Variants in ZNF844 observed in about 807,000 individuals in gnomAD.
The protein encoded by ZNF844 is zinc finger protein 844.
A neutral mutation model predicts 11.4 loss-of-function variants in ZNF844; 11 were observed. The observed-to-expected ratio is 0.97, with a 90% CI of 0.61 to 1.60. The LOEUF (loss-of-function observed/expected upper bound fraction) is 1.60. Ranked by LOEUF, ZNF844 falls within the 40% of genes most tolerant of loss-of-function variation. The pLI, the probability that ZNF844 is intolerant of heterozygous loss-of-function variation, is 0.00. For synonymous variants in ZNF844, 248 were observed against 260.3 expected, an observed-to-expected ratio of 0.95 and a Z score of 0.46; for missense variants, 790 against 796.8, an observed-to-expected ratio of 0.99 and a Z score of 0.10.
Position 12,076,612 on chromosome 19 carries a change from A to G in ZNF844, c.1492A>G (p.Thr498Ala). 1 of 1,612,758 alleles carries G rather than the reference A, an allele frequency of 6.2e-7. No individual in the cohort carries two copies. ...PLPFDIMKGLTLERNPMSVSN... is the reference protein window; with the variant it reads ...PLPFDIMKGLALERNPMSVSN... ...TCCTTTCGATATCATGAAAGGACTCACACTGGAGAGAAACCCTATGAGTGT... is the reference window on the plus strand; with the variant it reads ...TCCTTTCGATATCATGAAAGGACTCGCACTGGAGAGAAACCCTATGAGTGT... Residue 498 changes from threonine (T) to alanine (A), a missense_variant, in exon 4 of 4, where the codon ACA becomes GCA. This residue lies in a region of ZNF844 where 657 missense variants were observed against 636.2 expected (regional missense o/e 1.03). Coordinates refer to ENST00000439326, the MANE Select transcript of ZNF844 (RefSeq NM_001136501.3).
chr19:12,072,691 C>A (rs145475393), intron 1 of ZNF844, among the ~76,000 whole-genome samples: 4 of 152,102 alleles, frequency 2.6e-5, no homozygotes, highest in Non-Finnish European at 4.4e-5. Context: ...TCAAGCAATT[C>A]TCTGGCCCCA....
At chr19:12,069,179 C>CTTTTTTTT (rs748342323) in intron 1 of ZNF844, among the ~76,000 whole-genome samples, 1 of 120,866 alleles carries the variant, frequency 8.3e-6, no homozygotes, top group Non-Finnish European at 1.7e-5. Context: ...TCTTTTATTC[C>CTTTTTTTT]TTTTTTTTTT....
In ZNF844 at chr19:12,075,576, T is replaced by G. The variant is rs762380348; in HGVS notation, c.456T>G (p.Cys152Trp). Reference protein sequence around the residue: ...KCQQRKKAFRCHPSFQMQEKA... With the variant: ...KCQQRKKAFRWHPSFQMQEKA... ...AACAACGTAAGAAAGCCTTCAGATG[T>G]CACCCCTCCTTTCAAATGCAAGAAA... Residue 152 changes from cysteine (C) to tryptophan (W), a missense_variant, in exon 4 of 4, where the codon TGT becomes TGG. Around this residue, in one of 3 missense-constraint regions of ZNF844, gnomAD observed 657 missense variants for 636.2 expected, o/e 1.03. Transcript: ENST00000439326. The G allele has an allele frequency of 3.1e-6, 5 of 1,614,016 alleles. No homozygotes were observed. Among genetic ancestry groups the G allele is most frequent in the Non-Finnish European group, 4.2e-6 (5 of 1,179,992 alleles).
intron 1 of ZNF844, among the ~76,000 whole-genome samples, chr19:12,067,959 AGAAG>A (rs71166653): frequency 4.4e-5 from 3 of 68,100 alleles, no homozygotes; most frequent in East Asian, 3.2e-4. Flanking sequence ...AAAGAAGGAA[AGAAG>A]GAAGGAAGGA....
At chr19:12,073,031 G>A (rs1975768096) in intron 1 of ZNF844, among the ~76,000 whole-genome samples, 1 of 152,184 alleles carries the variant, frequency 6.6e-6, no homozygotes, top group Non-Finnish European at 1.5e-5. Flanking sequence ...CTCATAGACA[G>A]AACTTTTAAA....
intron 1 of ZNF844, chr19:12,070,048 A>T (rs1975737195): frequency 6.6e-6 from 1 of 150,450 alleles, no homozygotes. Flanking sequence ...GCTTGAGCCC[A>T]GGAGTTCGAG....
chr19:12,067,273 C>A (rs934646661), intron 1 of ZNF844, among the ~76,000 whole-genome samples: 1 of 152,056 alleles, frequency 6.6e-6, no homozygotes, highest in African/African-American at 2.4e-5. Flanking sequence ...GTGATCACAC[C>A]ACTGCACTCC....
rs901313571 is a variant in ZNF844, at chr19:12,077,819, T to C, written c.*698T>C. 6 of 301,322 alleles carry C rather than the reference T, an allele frequency of 2.0e-5. No homozygotes were observed. The highest frequency in any genetic ancestry group is 3.9e-5 in the Non-Finnish European group (6 of 155,026). 18.7% of individuals were successfully genotyped at this position (301,322 alleles called of 1,614,324 possible). On this transcript the variant is annotated 3_prime_UTR_variant, in exon 4 of 4. Coordinates refer to ENST00000439326, the MANE Select transcript of ZNF844 (RefSeq NM_001136501.3). ...TGTTTATAGCAGCTGCATACTAACA[T>C]GTTATTCTGTATTTTTTTTTTCTTT...
Position 12,064,778 on chromosome 19 carries a change from G to T in ZNF844, c.-96G>T, listed in dbSNP as rs1268282348. On this transcript the variant is annotated 5_prime_UTR_variant, in exon 1 of 4. Transcript: ENST00000439326. ...GTGAGGTTGGCACCCCGTTTTTCCT[G>T]CTCTGAGAGGGACCGGTTGCCACCG... 17 of 1,410,976 alleles carry T rather than the reference G, an allele frequency of 1.2e-5. No homozygotes were observed. Among genetic ancestry groups the T allele is most frequent in the Non-Finnish European group, 1.5e-5 (16 of 1,037,422 alleles). The allele number at this position is 1,410,976 out of a possible 1,614,324, so 87.4% of individuals were successfully genotyped here. A position where few individuals can be genotyped will look rare whatever the true frequency, so the allele number is the denominator to read the frequency against.
At chr19:12,067,155 G>A (rs61197302) in intron 1 of ZNF844, among the ~76,000 whole-genome samples, 2,680 of 149,842 alleles carry the variant, frequency 0.018, 74 homozygotes, top group African/African-American at 0.055. Context: ...AGCTGAGATC[G>A]CGCCACTGCA....
intron 1 of ZNF844, among the ~76,000 whole-genome samples, chr19:12,068,810 G>C (rs1403782677): frequency 1.3e-5 from 2 of 152,126 alleles, no homozygotes; most frequent in Admixed American, 6.6e-5. Context: ...CTGAGTTTGA[G>C]GGATTTTGCT....
In ZNF844 at chr19:12,076,327, G is replaced by A. The variant is rs544165783; in HGVS notation, c.1207G>A (p.Val403Ile). ...NASTVVKPSI[V>I]PVPFTIMKGL... Reference sequence around the variant, plus strand: ...AAGCACTGTGGTAAAGCCTTCAATCGTTCCAGTTCCTTTCACTATCATGAA... The same window carrying A: ...AAGCACTGTGGTAAAGCCTTCAATCATTCCAGTTCCTTTCACTATCATGAA... Residue 403 changes from valine to isoleucine, a missense_variant, in exon 4 of 4, where the codon GTT (valine) becomes ATT (isoleucine). By Grantham distance (29) the Val-to-Ile change is conservative. Coordinates refer to ENST00000439326, the MANE Select transcript of ZNF844 (RefSeq NM_001136501.3). 6.8e-5 allele frequency: 109 copies of A among 1,613,176 alleles called. No individual in the cohort carries two copies. In the Admixed American group the frequency reaches 1.5e-3, roughly 22 times the overall value.
chr19:12,069,179 C>G lies in ZNF844; in HGVS notation c.3+4303C>G, dbSNP rs112927280. Among the ~76,000 whole-genome samples the G allele has an allele frequency of 4.3e-3, 518 of 120,774 alleles. 12 individuals are homozygous for G. Among genetic ancestry groups the G allele is most frequent in the African/African-American group, 0.012 (347 of 29,312 alleles). 79.2% of individuals were successfully genotyped at this position (120,774 alleles called of 152,430 possible). Reference sequence around the variant, plus strand: ...GACTTTTCTTTTTATTCTTTTATTCCTTTTTTTTTTTTTTTTTTTTTGAGA... The same window carrying G: ...GACTTTTCTTTTTATTCTTTTATTCGTTTTTTTTTTTTTTTTTTTTTGAGA... On this transcript the variant is annotated intron_variant, in intron 1 of 3. Transcript: ENST00000439326.
Position 12,080,346 on chromosome 19 carries a change from C to CG in ZNF844, c.*3225_*3226insG, listed in dbSNP as rs1975883231. 6.5e-6 allele frequency: 1 copy of CG among 154,744 alleles called. No homozygotes were observed. The highest frequency in any genetic ancestry group is 4.4e-5 in the African/African-American group (1 of 22,790). 9.6% of individuals were successfully genotyped at this position (154,744 alleles called of 1,614,324 possible). On this transcript the variant is annotated 3_prime_UTR_variant, in exon 4 of 4. Transcript: ENST00000439326. ...GCGGCGACAGAGCAAGACTCCGTCT[C>CG]AAAAAAAAAAAAAAAAAAAAGAGAA...
chr19:12,068,562 G>T (rs1476292737), intron 1 of ZNF844, among the ~76,000 whole-genome samples: 3 of 152,116 alleles, frequency 2.0e-5, no homozygotes, highest in African/African-American at 7.2e-5. Context: ...AAACCAGAAG[G>T]CGGAGGTTGT....
In ZNF844 at chr19:12,079,233, C is replaced by T. The variant is rs1448603634; in HGVS notation, c.*2112C>T. The T allele has an allele frequency of 6.6e-6, 1 of 152,098 alleles. No homozygotes were observed. The highest frequency in any genetic ancestry group is 1.5e-5 in the Non-Finnish European group (1 of 68,026). The allele number at this position is 152,098 out of a possible 1,614,324, so 9.4% of individuals were successfully genotyped here. On this transcript the variant is annotated 3_prime_UTR_variant, in exon 4 of 4. Transcript: ENST00000439326. The stretch of plus-strand genomic sequence containing the variant: ...ATGCAAGCAATATGGAAAAGCATTC[C>T]ATTGTATCAGATCCTTTTGTAGCCA...
intron 1 of ZNF844, among the ~76,000 whole-genome samples, chr19:12,073,415 C>T (rs766789093): frequency 2.0e-5 from 3 of 152,164 alleles, no homozygotes; most frequent in Non-Finnish European, 2.9e-5. Context: ...CTCAGCCTTC[C>T]AAAGTCCTGG....
chr19:12,065,847 G>A (rs1046029714), intron 1 of ZNF844, among the ~76,000 whole-genome samples: 2 of 151,880 alleles, frequency 1.3e-5, no homozygotes, highest in Non-Finnish European at 2.9e-5. Flanking sequence ...GTTGGCCAAG[G>A]TGGTCTTGAA....
chr19:12,065,001 C>T (rs1322190603), intron 1 of ZNF844, 125 bp downstream of exon 1: 4 of 1,042,322 alleles, frequency 3.8e-6, no homozygotes, highest in African/African-American at 1.7e-5. Context: ...GGTCTGGGGC[C>T]CGAGCCCCGC....
Sources: allele counts gnomAD v4.1 joint callset (sites outside exome capture counted in the v4.1 genomes callset), GRCh38; gene constraint gnomAD v4.1.1; regional missense constraint gnomAD v4.1.1; transcripts MANE v1.5; gene names NCBI Gene and HGNC (gene_info 2026-07-23, HGNC 2026-07-21).